Variants in NPHP4 observed in about 807,000 individuals in gnomAD.
The protein encoded by NPHP4 is nephrocystin-4.
NPHP4 carries 151 observed loss-of-function variants against 155.8 expected under a neutral mutation model. That is an observed-to-expected ratio of 0.97 (90% confidence interval 0.85 to 1.11). The LOEUF (loss-of-function observed/expected upper bound fraction) is 1.11, where lower values mean the gene tolerates loss of function less well. NPHP4 is among the 50% of genes least tolerant of loss of function. The pLI is 0.00. For missense variants in NPHP4, 1,956 were observed against 1,925.7 expected (o/e 1.02, Z -0.29); for synonymous variants, 845 against 816.8 (o/e 1.03, Z -0.59).
chr1:5,984,035 A>C (rs984277644), intron 2 of NPHP4, among the ~76,000 whole-genome samples: 2 of 152,190 alleles, frequency 1.3e-5, no homozygotes, highest in Admixed American at 6.5e-5. Context: ...ATATCTGTAC[A>C]TGAAAAAAAT....
chr1:5,943,860 C>T (rs1646949543), intron 9 of NPHP4, among the ~76,000 whole-genome samples: 2 of 152,072 alleles, frequency 1.3e-5, no homozygotes, highest in African/African-American at 4.8e-5. Context: ...CATGGTGAGC[C>T]ATCTGTAGAT....
intron 11 of NPHP4, among the ~76,000 whole-genome samples, chr1:5,920,227 G>A (rs1429378887): frequency 4.0e-5 from 6 of 151,848 alleles, no homozygotes; most frequent in South Asian, 2.1e-4. Context: ...CACCGCGCCC[G>A]GCCTTAAGTT....
intron 7 of NPHP4, 25 bp from the exon 8 acceptor site, chr1:5,948,276 GCC>G (rs1647230888): frequency 1.3e-6 from 2 of 1,513,662 alleles, no homozygotes; most frequent in East Asian, 2.4e-5. Flanking sequence ...GAAGGAATGA[GCC>G]CCGGCACAGA....
At chr1:5,930,350 T>C (rs12122109) in intron 10 of NPHP4, among the ~76,000 whole-genome samples, 17,989 of 152,264 alleles carry the variant, frequency 0.12, 1,367 homozygotes, top group Non-Finnish European at 0.17. Context: ...GGGTTTATTT[T>C]ACTCTTCTTT....
Position 5,874,536 on chromosome 1 carries a change from G to T in NPHP4, c.3166C>A (p.His1056Asn), listed in dbSNP as rs747592217. 4 of 1,597,160 alleles carry T rather than the reference G, an allele frequency of 2.5e-6. No homozygotes were observed. Among genetic ancestry groups the T allele is most frequent in the South Asian group, 2.3e-5 (2 of 88,090 alleles). The change falls in exon 22 of 30, where the codon CAC becomes AAC. Residue 1056 changes from histidine to asparagine, a missense_variant. Coordinates refer to ENST00000378156, the MANE Select transcript of NPHP4 (RefSeq NM_015102.5). ...SLAPQLYLRP[H>N]ETAHVPFKFQ... ...TTGAAGGGGACGTGGGCGGTCTCGT[G>T]GGGGCGCAGGTAGAGCTGGGGGGCC...
chr1:5,925,761 G>A (rs917187250), intron 11 of NPHP4, among the ~76,000 whole-genome samples: 4 of 151,974 alleles, frequency 2.6e-5, no homozygotes, highest in African/African-American at 4.8e-5. Context: ...GACTACAGGC[G>A]CCCGCCACCA....
chr1:5,931,690 C>T (rs548453619), intron 10 of NPHP4, among the ~76,000 whole-genome samples: 6 of 140,540 alleles, frequency 4.3e-5, no homozygotes, highest in South Asian at 2.3e-4. Flanking sequence ...GCTGAGACTG[C>T]GCCACTGCAC....
rs377728296 is a variant in NPHP4 at position 5,865,198 on chromosome 1, G to A, written c.3720C>T (p.Cys1240=). The part of the protein sequence containing the change: ...LHSLQRVDVS[C]VAGQLTRLSL... The stretch of plus-strand genomic sequence containing the variant: ...ACAGGCGGGTCAGCTGGCCTGCGAC[G>A]CAGGAGACATCCACGCGCTGCAGGG... Residue 1240 remains cysteine (C), a synonymous_variant, in exon 27 of 30, where the codon TGC becomes TGT. Transcript: ENST00000378156. The A allele has an allele frequency of 4.0e-5, 64 of 1,611,138 alleles. 2 individuals carry two copies. The highest frequency in any genetic ancestry group is 4.8e-5 in the Non-Finnish European group (57 of 1,178,394).
chr1:5,965,854 T>C (rs1191206996), intron 5 of NPHP4, among the ~76,000 whole-genome samples: 2 of 152,134 alleles, frequency 1.3e-5, no homozygotes, highest in Non-Finnish European at 2.9e-5. Flanking sequence ...CCTTTTGACA[T>C]CAGAGGCCGA....
chr1:5,959,840 T>C (rs1282272262), intron 6 of NPHP4, among the ~76,000 whole-genome samples: 1 of 152,114 alleles, frequency 6.6e-6, no homozygotes, highest in Non-Finnish European at 1.5e-5. Flanking sequence ...AGTCCCAAGA[T>C]TAGTATCAAC....
chr1:5,866,365 G>A lies in NPHP4; in HGVS notation c.3644+8C>T. The A allele has an allele frequency of 6.3e-7, 1 of 1,581,250 alleles. No individual in the cohort carries two copies. The highest frequency in any genetic ancestry group is 8.7e-7 in the Non-Finnish European group (1 of 1,154,214). On this transcript the variant is annotated splice_region_variant and intron_variant, in intron 26 of 29. Transcript: ENST00000378156. Reference sequence around the variant, plus strand: ...CCGCCTCCAGGTCCCCAAAGCCTGTGCACTTACGAGTAAATGATGACAAAG... The same window carrying A: ...CCGCCTCCAGGTCCCCAAAGCCTGTACACTTACGAGTAAATGATGACAAAG...
At chr1:5,888,142 C>T (rs547546330) in intron 17 of NPHP4, among the ~76,000 whole-genome samples, 189 of 152,302 alleles carry the variant, frequency 1.2e-3, no homozygotes, top group Non-Finnish European at 2.4e-3. Context: ...CGAGGCTGCT[C>T]GGGGCAGGGT....
intron 10 of NPHP4, among the ~76,000 whole-genome samples, chr1:5,931,785 T>C (rs2101725144): frequency 6.7e-6 from 1 of 149,514 alleles, no homozygotes; most frequent in Admixed American, 6.7e-5. Context: ...ATGCTAACCA[T>C]TGTGCCATTA....
chr1:5,962,709 C>T (rs769350318), intron 5 of NPHP4, among the ~76,000 whole-genome samples: 63 of 152,248 alleles, frequency 4.1e-4, no homozygotes, highest in South Asian at 1.2e-3. Context: ...GGGTAAAGCA[C>T]GAGGGGGAAC....
chr1:5,918,996 G>T (rs1363356575), intron 11 of NPHP4, among the ~76,000 whole-genome samples: 3 of 152,174 alleles, frequency 2.0e-5, no homozygotes, highest in African/African-American at 7.2e-5. Flanking sequence ...CAGATCAGGG[G>T]TCTGCAAACT....
At position 5,867,146 on chromosome 1, in the gene NPHP4, TCTC is replaced by T. The variant is rs1158954279; in HGVS notation, c.3473-34_3473-32del. 17 of 1,540,078 alleles carry T rather than the reference TCTC, an allele frequency of 1.1e-5. No individual in the cohort carries two copies. Among genetic ancestry groups the T allele is most frequent in the Non-Finnish European group, 1.4e-5 (16 of 1,123,764 alleles). ...GCAGGGGAAATGTCAAAAAGAGTCT[TCTC>T]CACAGCCCCAGCCTGTGTGGAGAAG... On this transcript the variant is annotated intron_variant, in intron 24 of 29. Coordinates refer to ENST00000378156, the MANE Select transcript of NPHP4 (RefSeq NM_015102.5). The surrounding 1 kb of genome is among the most constrained non-coding windows in gnomAD (Gnocchi z 4.1).
chr1:5,903,816 C>T (rs368442086), intron 16 of NPHP4, among the ~76,000 whole-genome samples: 4 of 152,188 alleles, frequency 2.6e-5, no homozygotes, highest in African/African-American at 2.4e-5. Context: ...AGAAGCAGAA[C>T]GTCACCTCTG....
intron 2 of NPHP4, among the ~76,000 whole-genome samples, chr1:5,982,126 C>G (rs1270370749): frequency 1.3e-5 from 2 of 150,540 alleles, no homozygotes; most frequent in Non-Finnish European, 3.0e-5. Flanking sequence ...TTGTCTTGAT[C>G]AATTTTATCA....
intron 5 of NPHP4, among the ~76,000 whole-genome samples, chr1:5,963,923 G>A (rs1650854314): frequency 1.3e-5 from 2 of 152,074 alleles, no homozygotes; most frequent in African/African-American, 4.8e-5. Context: ...CCTGATCTCA[G>A]GTGATCTGCC....
Sources: allele counts gnomAD v4.1 joint callset (sites outside exome capture counted in the v4.1 genomes callset), GRCh38; gene constraint gnomAD v4.1.1; non-coding constraint Gnocchi (gnomAD v3.1); transcripts MANE v1.5; gene names NCBI Gene and HGNC (gene_info 2026-07-23, HGNC 2026-07-21).